RSF1: variants seen among roughly 807,000 people sequenced by gnomAD.
RSF1 encodes the protein HBV pX-associated protein 8.
Under a neutral mutation model 145.2 loss-of-function variants are expected in RSF1, and 13 were observed. The ratio of observed to expected loss-of-function variants is 0.09; its 90% CI spans 0.06 to 0.14. The LOEUF (loss-of-function observed/expected upper bound fraction) is 0.14, where lower values mean the gene tolerates loss of function less well. Among genes scored for constraint, RSF1 ranks in the 10% least tolerant of loss-of-function variants. RSF1 has a pLI of 1.00. For synonymous variants in RSF1, 577 were observed against 592.6 expected (o/e 0.97, Z 0.38); for missense variants, 1,517 against 1,718.2 (o/e 0.88, Z 2.07).
chr11:77,736,501 T>C (rs909873620), intron 4 of RSF1, among the ~76,000 whole-genome samples: 4 of 152,226 alleles, frequency 2.6e-5, no homozygotes, highest in African/African-American at 9.6e-5. Context: ...AGGCACTAAA[T>C]ATATATTAGT....
chr11:77,842,773 G>C, the RSF1 span: 1 of 1,162,934 alleles, frequency 8.6e-7, no homozygotes, highest in Non-Finnish European at 1.2e-6. Flanking sequence ...CCCTTTTAAA[G>C]TATGCAATTC....
At chr11:77,682,650 T>C (rs950547787) in intron 11 of RSF1, among the ~76,000 whole-genome samples, 2 of 152,194 alleles carry the variant, frequency 1.3e-5, no homozygotes, top group Non-Finnish European at 2.9e-5. Flanking sequence ...AGCACTATGC[T>C]AGGTATAGGG....
intron 4 of RSF1, among the ~76,000 whole-genome samples, chr11:77,740,146 C>T (rs1282802485): frequency 2.0e-5 from 3 of 152,220 alleles, no homozygotes; most frequent in South Asian, 4.1e-4. Context: ...GAGGCCGAGG[C>T]GGGTAGATCA....
At chr11:77,821,034 A>AG (rs900388579), upstream of RSF1, 2 of 298,724 alleles carry the variant, frequency 6.7e-6, no homozygotes, top group African/African-American at 4.6e-5. Flanking sequence ...CGGGGCGGGG[A>AG]GGCGGGCTGG....
At chr11:77,708,558 C>T (rs187958233) in intron 5 of RSF1, among the ~76,000 whole-genome samples, 234 of 152,330 alleles carry the variant, frequency 1.5e-3, no homozygotes, top group Middle Eastern at 6.8e-3. Flanking sequence ...GTTTCATCAT[C>T]TCACTTGTTT....
chr11:77,667,092 A>G lies in RSF1; in HGVS notation c.4151T>C (p.Ile1384Thr). Residue 1384 changes from isoleucine (I) to threonine (T), a missense_variant, in exon 16 of 16, where the codon ATT becomes ACT. Around this residue, in one of 12 missense-constraint regions of RSF1, gnomAD observed 240 missense variants for 231.8 expected, o/e 1.04. Coordinates refer to ENST00000308488, the MANE Select transcript of RSF1 (RefSeq NM_016578.4). ...CTGAGACTTCTCAGTAGGCTTGCCA[A>G]TCAAGTTCTCAATGGCTTTGCCAGG... ...QSPGKAIENL[I>T]GKPTEKSQTP... 1.9e-6 allele frequency: 3 copies of G among 1,614,164 alleles called. No homozygotes were observed. Among genetic ancestry groups the G allele is most frequent in the Non-Finnish European group, 2.5e-6 (3 of 1,180,040 alleles).
At chr11:77,711,318 A>AT (rs1160291470) in intron 5 of RSF1, among the ~76,000 whole-genome samples, 1 of 152,146 alleles carries the variant, frequency 6.6e-6, no homozygotes, top group Non-Finnish European at 1.5e-5. Flanking sequence ...TATACAAAAC[A>AT]TTTTCAGAAT....
At position 77,664,192 on chromosome 11, in the gene RSF1, C is replaced by A. The variant is rs1386490132; in HGVS notation, c.*2725G>T. 6.6e-6 allele frequency: 1 copy of A among 152,148 alleles called. No homozygotes were observed. The highest frequency in any genetic ancestry group is 1.5e-5 in the Non-Finnish European group (1 of 68,028). 9.4% of individuals were successfully genotyped at this position (152,148 alleles called of 1,614,324 possible). On this transcript the variant is annotated 3_prime_UTR_variant, in exon 16 of 16. Transcript: ENST00000308488. Reference sequence around the variant, plus strand: ...GAATCTGAACTCCAAGCAGCAAAACCGTTTTTGCACTGCTCAAAATTTAAT... The same window carrying A: ...GAATCTGAACTCCAAGCAGCAAAACAGTTTTTGCACTGCTCAAAATTTAAT...
chr11:77,740,666 G>A, intron 4 of RSF1, 65 bp downstream of exon 4: 2 of 1,464,584 alleles, frequency 1.4e-6, no homozygotes, highest in Non-Finnish European at 1.9e-6. Context: ...TAACATCCTA[G>A]TTTTGAAACG....
At chr11:77,805,644 T>C (rs1236279947) in intron 1 of RSF1, among the ~76,000 whole-genome samples, 1 of 152,192 alleles carries the variant, frequency 6.6e-6, no homozygotes, top group Non-Finnish European at 1.5e-5. Context: ...TTATATAGCA[T>C]ATATATACAT....
the RSF1 span, among the ~76,000 whole-genome samples, chr11:77,857,254 G>A: frequency 1.3e-5 from 2 of 152,176 alleles, no homozygotes; most frequent in Non-Finnish European, 2.9e-5. Context: ...AGACTGCCTA[G>A]ATCACTTAGA....
chr11:77,739,002 A>C (rs1310399769), intron 4 of RSF1: 1 of 144,944 alleles, frequency 6.9e-6, no homozygotes, highest in Admixed American at 7.1e-5. Context: ...TTTATCTTGA[A>C]CTCCTCTCAT....
intron 11 of RSF1, among the ~76,000 whole-genome samples, chr11:77,682,060 A>C: frequency 6.6e-6 from 1 of 152,166 alleles, no homozygotes; most frequent in East Asian, 1.9e-4. Context: ...AATACATGTT[A>C]TGTTGCAGCA....
intron 11 of RSF1, among the ~76,000 whole-genome samples, chr11:77,680,682 C>T (rs1959835586): frequency 6.6e-6 from 1 of 152,222 alleles, no homozygotes; most frequent in African/African-American, 2.4e-5. Context: ...GTAATTTTTA[C>T]TGGCTGCATA....
At position 77,811,355 on chromosome 11, in the gene RSF1, G is replaced by A. The variant is rs373082548; in HGVS notation, c.187+9173C>T. Among the ~76,000 whole-genome samples, 237 of 152,286 alleles carry A rather than the reference G, an allele frequency of 1.6e-3. 1 individual carries two copies. Among genetic ancestry groups the A allele is most frequent in the African/African-American group, 5.5e-3 (230 of 41,560 alleles). ...TATTTGCTATTACCCACCAATTGCT[G>A]GTGATAAAATAAAGTAAGAAACCCT... is the stretch of plus-strand genomic sequence containing the variant. On this transcript the variant is annotated intron_variant, in intron 1 of 15. Coordinates refer to ENST00000308488, the MANE Select transcript of RSF1 (RefSeq NM_016578.4).
chr11:77,729,439 C>CA (rs1961141430), intron 4 of RSF1, among the ~76,000 whole-genome samples: 1 of 152,174 alleles, frequency 6.6e-6, no homozygotes, highest in South Asian at 2.1e-4. Context: ...TGAAATGGAA[C>CA]ACGTCATCCT....
chr11:77,789,222 G>A (rs1046223167), intron 1 of RSF1, among the ~76,000 whole-genome samples: 13 of 152,166 alleles, frequency 8.5e-5, no homozygotes, highest in African/African-American at 2.2e-4. Context: ...AGCTAGCCAC[G>A]GGAGAGGGCC....
intron 11 of RSF1, among the ~76,000 whole-genome samples, chr11:77,679,357 C>T (rs575992149): frequency 6.6e-6 from 1 of 152,342 alleles, no homozygotes; most frequent in South Asian, 2.1e-4. Context: ...AACAAAATTA[C>T]AGTTCCATAA....
intron 15 of RSF1, among the ~76,000 whole-genome samples, chr11:77,670,231 T>C (rs1478306691): frequency 6.6e-6 from 1 of 152,214 alleles, no homozygotes; most frequent in African/African-American, 2.4e-5. Flanking sequence ...CCTTCACTCA[T>C]TCTGCTCCAA....
Sources: allele counts gnomAD v4.1 joint callset (sites outside exome capture counted in the v4.1 genomes callset), GRCh38; gene constraint gnomAD v4.1.1; regional missense constraint gnomAD v4.1.1; transcripts MANE v1.5; gene names NCBI Gene and HGNC (gene_info 2026-07-23, HGNC 2026-07-21).